The following RPH3A variants were observed in gnomAD, a reference collection of about 807,000 sequenced individuals.
The protein encoded by RPH3A is rabphilin 3A.
In RPH3A, 48 loss-of-function variants were observed where a neutral mutation model predicts 102.2. That is an observed-to-expected ratio of 0.47 (90% CI 0.37 to 0.60). The LOEUF is 0.60. Among genes scored for constraint, RPH3A ranks in the 20% least tolerant of loss-of-function variants. RPH3A has a pLI of 0.00. For missense variants in RPH3A, 781 were observed against 910.1 expected, an observed-to-expected ratio of 0.86 and a Z score of 1.83; for synonymous variants, 310 against 324.3, an observed-to-expected ratio of 0.96 and a Z score of 0.47.
At chr12:112,845,576 C>T (rs2042216325) in intron 4 of RPH3A, among the ~76,000 whole-genome samples, 1 of 152,190 alleles carries the variant, frequency 6.6e-6, no homozygotes, top group South Asian at 2.1e-4. Context: ...AGAAGCTCTG[C>T]CCAATCTCTA....
intron 2 of RPH3A, among the ~76,000 whole-genome samples, chr12:112,813,946 TTGTGTG>T (rs112069714): frequency 2.0e-5 from 3 of 148,588 alleles, no homozygotes; most frequent in Non-Finnish European, 4.5e-5. Flanking sequence ...GTTTGTATGA[TTGTGTG>T]TGTGTGTGTG....
chr12:112,862,431 TA>T (rs926044669), intron 5 of RPH3A, among the ~76,000 whole-genome samples: 4 of 152,078 alleles, frequency 2.6e-5, no homozygotes, highest in Non-Finnish European at 4.4e-5. Flanking sequence ...ACTACATAAA[TA>T]AAATGAGAAA....
intron 1 of RPH3A, among the ~76,000 whole-genome samples, chr12:112,727,341 A>G (rs906375468): frequency 1.3e-5 from 2 of 149,894 alleles, no homozygotes; most frequent in Non-Finnish European, 3.0e-5. Flanking sequence ...CAGTGAGCTG[A>G]GATTGCATCA....
intron 1 of RPH3A, chr12:112,591,592 C>T (rs944742675): frequency 2.6e-5 from 4 of 152,228 alleles, no homozygotes; most frequent in Non-Finnish European, 4.4e-5. Context: ...TCCAGTAAAT[C>T]AATCCTGGGT....
intron 5 of RPH3A, among the ~76,000 whole-genome samples, chr12:112,853,900 C>A (rs1375540482): frequency 1.3e-5 from 2 of 151,890 alleles, no homozygotes; most frequent in Non-Finnish European, 2.9e-5. Flanking sequence ...AAAGAAAGAA[C>A]AAATACATGT....
upstream of RPH3A, chr12:112,791,073 C>A (rs1237295917): frequency 6.6e-6 from 1 of 152,216 alleles, no homozygotes; most frequent in Non-Finnish European, 1.5e-5. Flanking sequence ...CTGGATCTGA[C>A]TTCCAGAAAA....
At chr12:112,605,823 T>TA (rs1318212590) in intron 1 of RPH3A, among the ~76,000 whole-genome samples, 1 of 152,232 alleles carries the variant, frequency 6.6e-6, no homozygotes, top group Non-Finnish European at 1.5e-5. Context: ...TCTGAGTGAA[T>TA]ATCTGGGGTT....
At chr12:112,599,126 A>C (rs1277041048) in intron 1 of RPH3A, among the ~76,000 whole-genome samples, 1 of 152,180 alleles carries the variant, frequency 6.6e-6, no homozygotes, top group Non-Finnish European at 1.5e-5. Flanking sequence ...ACATATTATC[A>C]GGACCAACAT....
At chr12:112,618,622 T>A (rs2039698918) in intron 1 of RPH3A, among the ~76,000 whole-genome samples, 1 of 152,234 alleles carries the variant, frequency 6.6e-6, no homozygotes, top group Non-Finnish European at 1.5e-5. Flanking sequence ...AATTGTTTTT[T>A]TAATCATATT....
chr12:112,894,509 CT>C, intron 19 of RPH3A, 68 bp from the exon 20 acceptor site: 1 of 1,399,674 alleles, frequency 7.1e-7, no homozygotes, highest in East Asian at 2.3e-5. Flanking sequence ...AAGAAGGGGC[CT>C]TTGGGGTCAA....
intron 5 of RPH3A, among the ~76,000 whole-genome samples, chr12:112,849,292 C>T (rs2136192162): frequency 6.6e-6 from 1 of 152,288 alleles, no homozygotes; most frequent in African/African-American, 2.4e-5. Context: ...CCTCTGTCAG[C>T]CTCCTCGGGT....
rs572542851 is a variant in RPH3A, at chr12:112,661,745, A to C, written c.-140+86426A>C. Among the ~76,000 whole-genome samples the C allele has an allele frequency of 1.1e-4, 16 of 152,192 alleles. No homozygotes were observed. The East Asian group carries it at 2.7e-3, about 26-fold the overall frequency. The stretch of plus-strand genomic sequence containing the variant: ...TCAGTCTTCAGAATATTCCCTTAAG[A>C]GTGGATGTGCTACCTTCTGTGAGCA... On this transcript the variant is annotated intron_variant, in intron 1 of 21. Transcript: ENST00000543106.
At position 112,875,824 on chromosome 12, in the gene RPH3A, C is replaced by T. The variant is rs545475587; in HGVS notation, c.946+83C>T. ...GAGAGAGAGCAGGCAGCTGCCAGAACGTGACTCAGCCTGCACCCTGAGACC... is the reference window on the plus strand; with the variant it reads ...GAGAGAGAGCAGGCAGCTGCCAGAATGTGACTCAGCCTGCACCCTGAGACC... On this transcript the variant is annotated intron_variant, in intron 12 of 21. Transcript: ENST00000389385. 101 of 1,275,204 alleles carry T rather than the reference C, an allele frequency of 7.9e-5. No individual in the cohort carries two copies. The East Asian group carries it at 1.6e-3, about 20-fold the overall frequency. 79.0% of individuals were successfully genotyped at this position (1,275,204 alleles called of 1,614,324 possible).
intron 1 of RPH3A, among the ~76,000 whole-genome samples, chr12:112,747,073 A>G (rs1002432290): frequency 2.0e-5 from 3 of 152,176 alleles, no homozygotes; most frequent in African/African-American, 7.2e-5. Flanking sequence ...CCTAAACTCC[A>G]CAAGAGCAAG....
intron 1 of RPH3A, among the ~76,000 whole-genome samples, chr12:112,750,604 T>C (rs1012537902): frequency 6.6e-6 from 1 of 152,144 alleles, no homozygotes; most frequent in African/African-American, 2.4e-5. Context: ...TGCACTGCAA[T>C]GGTAAGGCCC....
At chr12:112,632,409 A>G (rs1291676637) in intron 1 of RPH3A, among the ~76,000 whole-genome samples, 2 of 151,998 alleles carry the variant, frequency 1.3e-5, no homozygotes, top group Non-Finnish European at 2.9e-5. Context: ...TGTCCATTGC[A>G]TGCGTTATTC....
At chr12:112,623,965 T>C (rs2039751511) in intron 1 of RPH3A, among the ~76,000 whole-genome samples, 1 of 121,242 alleles carries the variant, frequency 8.2e-6, no homozygotes, top group Non-Finnish European at 1.7e-5. Flanking sequence ...GACTACTGGG[T>C]ACATAACGAA....
intron 1 of RPH3A, among the ~76,000 whole-genome samples, chr12:112,768,880 C>A (rs1743435282): frequency 6.6e-6 from 1 of 152,126 alleles, no homozygotes; most frequent in Non-Finnish European, 1.5e-5. Flanking sequence ...CCACTGCACT[C>A]CAGCCTGGGT....
chr12:112,634,217 G>A (rs1374712882), intron 1 of RPH3A, among the ~76,000 whole-genome samples: 2 of 94,656 alleles, frequency 2.1e-5, no homozygotes, highest in African/African-American at 9.7e-5. Flanking sequence ...GCGTAGTGGC[G>A]GGCGCCTGTA....
Sources: allele counts gnomAD v4.1 joint callset (sites outside exome capture counted in the v4.1 genomes callset), GRCh38; gene constraint gnomAD v4.1.1; transcripts MANE v1.5; gene names NCBI Gene and HGNC (gene_info 2026-07-23, HGNC 2026-07-21).